GNA14: variants seen among roughly 807,000 people sequenced by gnomAD.
The protein encoded by GNA14 is guanine nucleotide-binding protein subunit alpha-14.
A neutral mutation model predicts 42.0 loss-of-function variants in GNA14; 50 were observed. The observed-to-expected ratio is 1.19, with a 90% confidence interval of 0.95 to 1.51. The LOEUF (loss-of-function observed/expected upper bound fraction) is 1.51, where lower values mean the gene tolerates loss of function less well. Among genes scored for constraint, GNA14 ranks in the 40% most tolerant of loss-of-function variants. GNA14 has a pLI of 0.00. For missense variants in GNA14, 473 were observed against 446.2 expected (o/e 1.06, Z -0.54); for synonymous variants, 173 against 163.1 (o/e 1.06, Z -0.46).
Position 77,462,407 on chromosome 9 carries a change from C to G in GNA14, c.310-27885G>C, listed in dbSNP as rs1000287937. 7.9e-5 allele frequency among the ~76,000 whole-genome samples: 12 copies of G among 152,304 alleles called. No homozygotes were observed. The East Asian group carries it at 2.3e-3, about 29-fold the overall frequency. ...CCCCTTTCCTGGTCCTTTCTGCATT[C>G]TCCCAACTTTGGTTAGAAATAACTT... On this transcript the variant is annotated intron_variant, in intron 2 of 6. Transcript: ENST00000341700.
chr9:77,482,959 AT>A (rs1202866003), intron 2 of GNA14, among the ~76,000 whole-genome samples: 9 of 151,762 alleles, frequency 5.9e-5, no homozygotes, highest in East Asian at 1.9e-4. Flanking sequence ...CATTCGTCTA[AT>A]TTTTTTTCAA....
At chr9:77,645,955 C>T (rs1183774023) in intron 1 of GNA14, among the ~76,000 whole-genome samples, 1 of 152,200 alleles carries the variant, frequency 6.6e-6, no homozygotes, top group Non-Finnish European at 1.5e-5. Flanking sequence ...AAGCCCCGCA[C>T]CCATAGTTAT....
chr9:77,511,562 G>A (rs1837170720), intron 2 of GNA14, among the ~76,000 whole-genome samples: 1 of 152,160 alleles, frequency 6.6e-6, no homozygotes, highest in Admixed American at 6.5e-5. Context: ...CCAAACTCAT[G>A]AGCAAATCTG....
At chr9:77,593,878 A>G (rs1382536735) in intron 1 of GNA14, among the ~76,000 whole-genome samples, 1 of 152,244 alleles carries the variant, frequency 6.6e-6, no homozygotes, top group Non-Finnish European at 1.5e-5. Context: ...AGCTTGCTTG[A>G]AAGTGTTCTT....
At chr9:77,491,479 C>T (rs748430426) in intron 2 of GNA14, among the ~76,000 whole-genome samples, 29 of 152,136 alleles carry the variant, frequency 1.9e-4, no homozygotes, top group South Asian at 8.3e-4. Context: ...AAATTCTATG[C>T]AAATGAAAAC....
intron 1 of GNA14, among the ~76,000 whole-genome samples, chr9:77,534,077 T>G (rs762403233): frequency 4.6e-5 from 7 of 152,240 alleles, no homozygotes; most frequent in Non-Finnish European, 7.3e-5. Context: ...TGAAAAAACC[T>G]GTCACAAGTG....
At chr9:77,580,153 C>T (rs1823194988) in intron 1 of GNA14, 1 of 220,140 alleles carries the variant, frequency 4.5e-6, no homozygotes, top group Non-Finnish European at 9.3e-6. Context: ...CAATAGTGCC[C>T]ACTTGGGTCA....
At chr9:77,433,498 C>T (rs879807432) in intron 3 of GNA14, among the ~76,000 whole-genome samples, 1 of 151,982 alleles carries the variant, frequency 6.6e-6, no homozygotes. Flanking sequence ...GACATCCTCC[C>T]GCCTCAGCCT....
At chr9:77,533,302 C>T (rs1837554738) in intron 1 of GNA14, among the ~76,000 whole-genome samples, 1 of 152,194 alleles carries the variant, frequency 6.6e-6, no homozygotes, top group Admixed American at 6.5e-5. Context: ...GCCTCAGCCT[C>T]CCCAGTAGCT....
At chr9:77,593,165 T>C (rs371694451) in intron 1 of GNA14, among the ~76,000 whole-genome samples, 1 of 152,232 alleles carries the variant, frequency 6.6e-6, no homozygotes, top group African/African-American at 2.4e-5. Context: ...AGATGTGTTA[T>C]AACTCTACAC....
intron 2 of GNA14, among the ~76,000 whole-genome samples, chr9:77,474,675 T>C (rs1280119158): frequency 1.3e-5 from 2 of 152,180 alleles, no homozygotes; most frequent in African/African-American, 4.8e-5. Flanking sequence ...AAGACAAATG[T>C]CTACACAAAA....
At chr9:77,455,890 T>C (rs1352157554) in intron 2 of GNA14, among the ~76,000 whole-genome samples, 2 of 152,156 alleles carry the variant, frequency 1.3e-5, no homozygotes, top group African/African-American at 4.8e-5. Context: ...CTGTGTTTCA[T>C]TCCCCCACAG....
chr9:77,431,466 G>A lies in GNA14; in HGVS notation c.465-17C>T, dbSNP rs28395811. 260 of 1,589,262 alleles carry A rather than the reference G, an allele frequency of 1.6e-4. 1 individual carries two copies. In the East Asian group the frequency reaches 4.1e-3, roughly 25 times the overall value. ...GTCAGGTAACTGTATATTAGAGAAC[G>A]AGGAACTGACTCTCCTTTTAGAGCA... On this transcript the variant is annotated splice_polypyrimidine_tract_variant and intron_variant, in intron 3 of 6. Coordinates refer to ENST00000341700, the MANE Select transcript of GNA14 (RefSeq NM_004297.4).
chr9:77,527,374 A>C (rs923801204), intron 2 of GNA14, among the ~76,000 whole-genome samples: 3 of 152,208 alleles, frequency 2.0e-5, no homozygotes, highest in African/African-American at 7.2e-5. Context: ...CACACCAGAT[A>C]TACCATAGGC....
intron 1 of GNA14, among the ~76,000 whole-genome samples, chr9:77,636,595 T>C (rs1444209358): frequency 1.3e-5 from 2 of 152,072 alleles, no homozygotes; most frequent in Non-Finnish European, 1.5e-5. Flanking sequence ...CTTCCACTCT[T>C]GGGGGAAGGT....
Position 77,462,039 on chromosome 9 carries a change from G to A in GNA14, c.310-27517C>T, listed in dbSNP as rs760073565. Among the ~76,000 whole-genome samples, 95 of 152,082 alleles carry A rather than the reference G, an allele frequency of 6.2e-4. 1 individual carries two copies. The highest frequency in any genetic ancestry group is 1.3e-3 in the Non-Finnish European group (90 of 68,008). On this transcript the variant is annotated intron_variant, in intron 2 of 6. Transcript: ENST00000341700. ...GTTAAATCACATGGTTGCTACTGAGGGCTTTTAGGCTGAGACCACTTGTCC... is the reference window on the plus strand; with the variant it reads ...GTTAAATCACATGGTTGCTACTGAGAGCTTTTAGGCTGAGACCACTTGTCC...
intron 2 of GNA14, chr9:77,517,590 C>CTATTTTTTTTTT (rs1837278261): frequency 3.7e-5 from 1 of 26,792 alleles, no homozygotes. Flanking sequence ...TGGTACTTTT[C>CTATTTTTTTTTT]TTTTTTTTTT....
intron 2 of GNA14, among the ~76,000 whole-genome samples, chr9:77,474,457 G>C (rs1186090161): frequency 6.6e-6 from 1 of 152,116 alleles, no homozygotes; most frequent in Non-Finnish European, 1.5e-5. Context: ...AGCGATACCA[G>C]CAACACACAA....
intron 2 of GNA14, among the ~76,000 whole-genome samples, chr9:77,452,833 C>G (rs1265021298): frequency 6.6e-6 from 1 of 151,632 alleles, no homozygotes; most frequent in Non-Finnish European, 1.5e-5. Context: ...ACTTTGTGCC[C>G]TTTTAAAAGA....
Sources: allele counts gnomAD v4.1 joint callset (sites outside exome capture counted in the v4.1 genomes callset), GRCh38; gene constraint gnomAD v4.1.1; transcripts MANE v1.5; gene names NCBI Gene and HGNC (gene_info 2026-07-23, HGNC 2026-07-21).